The following CYP4F12 variants were observed in gnomAD, a reference collection of about 807,000 sequenced individuals.
CYP4F12 encodes the protein cytochrome P450 4F12.
A neutral mutation model predicts 56.5 loss-of-function variants in CYP4F12; 60 were observed. That is an observed-to-expected ratio of 1.06 (90% confidence interval 0.86 to 1.32). The LOEUF (loss-of-function observed/expected upper bound fraction) is 1.32, where lower values mean the gene tolerates loss of function less well. CYP4F12 is among the 40% of genes most tolerant of loss of function. CYP4F12 has a pLI of 0.00. For missense variants in CYP4F12, 711 were observed against 683.5 expected, an observed-to-expected ratio of 1.04 and a Z score of -0.45; for synonymous variants, 263 against 264.9, an observed-to-expected ratio of 0.99 and a Z score of 0.07.
chr19:15,691,707 G>GT (rs146963505), intron 9 of CYP4F12, among the ~76,000 whole-genome samples: 90 of 148,222 alleles, frequency 6.1e-4, no homozygotes, highest in Middle Eastern at 3.5e-3. Flanking sequence ...TTTTTTTTCT[G>GT]TTTTTTTGTT....
chr19:15,684,602 G>A (rs2007498032), intron 7 of CYP4F12: 1 of 484,134 alleles, frequency 2.1e-6, no homozygotes, highest in African/African-American at 2.0e-5. Flanking sequence ...GTCCAAAGAG[G>A]AGGCAAAGGA....
At chr19:15,682,277 G>A in intron 5 of CYP4F12, 112 bp from the exon 6 acceptor site, 2 of 1,458,272 alleles carry the variant, frequency 1.4e-6, no homozygotes, top group African/African-American at 1.4e-5. Flanking sequence ...TGGGTTCCTG[G>A]GGCAGAGGAC....
Position 15,685,202 on chromosome 19 carries a change from G to A in CYP4F12, c.1115+5G>A, listed in dbSNP as rs1490982520. ...CGATCCTAAAGAGATTGAATGGTGA[G>A]TGCAAGTTCTTCTGGCCTGTTCCTG... On this transcript the variant is annotated splice_donor_5th_base_variant and intron_variant, in intron 9 of 12. Transcript: ENST00000550308. 4 of 1,613,674 alleles carry A rather than the reference G, an allele frequency of 2.5e-6. No homozygotes were observed. Among genetic ancestry groups the A allele is most frequent in the Non-Finnish European group, 3.4e-6 (4 of 1,179,664 alleles).
At chr19:15,685,870 C>T (rs753752154) in intron 9 of CYP4F12, among the ~76,000 whole-genome samples, 8 of 152,156 alleles carry the variant, frequency 5.3e-5, no homozygotes, top group Non-Finnish European at 8.8e-5. Flanking sequence ...CCAGGGAGTC[C>T]TAAGGGAGAC....
intron 2 of CYP4F12, among the ~76,000 whole-genome samples, chr19:15,676,312 C>G (rs1280056134): frequency 6.8e-6 from 1 of 148,056 alleles, no homozygotes; most frequent in African/African-American, 2.5e-5. Flanking sequence ...CATTCCTGTG[C>G]CCATTCACTC....
intron 5 of CYP4F12, 168 bp from the exon 6 acceptor site, chr19:15,682,221 A>G (rs911785250): frequency 1.3e-5 from 11 of 832,764 alleles, no homozygotes; most frequent in Non-Finnish European, 2.0e-5. Flanking sequence ...TTCATCTCCT[A>G]TACTAACAGT....
At position 15,680,232 on chromosome 19, in the gene CYP4F12, C is replaced by T. The variant is rs774887096; in HGVS notation, c.344-12C>T. ...CCTCTACATGGCCCCTGATGGTCCT[C>T]GTTCATGTCAGCTGCCATTGCACCC... On this transcript the variant is annotated splice_polypyrimidine_tract_variant and intron_variant, in intron 3 of 12. Coordinates refer to ENST00000550308, the MANE Select transcript of CYP4F12 (RefSeq NM_023944.4). The T allele has an allele frequency of 3.9e-5, 62 of 1,590,424 alleles. 1 individual carries two copies. The Middle Eastern group carries it at 5.0e-4, about 13-fold the overall frequency.
intron 6 of CYP4F12, among the ~76,000 whole-genome samples, chr19:15,683,169 A>C (rs1337458729): frequency 6.6e-6 from 1 of 152,104 alleles, no homozygotes; most frequent in Non-Finnish European, 1.5e-5. Flanking sequence ...AAGAGGATGA[A>C]GTCTGAGTTG....
intron 2 of CYP4F12, among the ~76,000 whole-genome samples, chr19:15,674,098 C>T (rs372690154): frequency 5.5e-3 from 16 of 2,914 alleles, no homozygotes; most frequent in Admixed American, 0.015. Context: ...CACTCACTCA[C>T]TCCTTTCCTC....
At chr19:15,673,437 C>A in intron 1 of CYP4F12, 92 bp from the exon 2 acceptor site, 1 of 1,421,838 alleles carries the variant, frequency 7.0e-7, no homozygotes, top group Non-Finnish European at 9.6e-7. Flanking sequence ...CCTGCCCTGC[C>A]CCCAGCAGTT....
intron 2 of CYP4F12, among the ~76,000 whole-genome samples, chr19:15,674,321 CCTCACTCACTCATTCCTCTACCCA>C (rs2006792265): frequency 6.7e-5 from 3 of 44,834 alleles, no homozygotes; most frequent in Non-Finnish European, 1.4e-4. Context: ...TCATTCCTCT[CCTCACTCACTCATTCCTCTACCCA>C]CTCACTCATT....
chr19:15,691,950 ACTTTT>A (rs1258222514), intron 9 of CYP4F12, among the ~76,000 whole-genome samples: 1 of 151,424 alleles, frequency 6.6e-6, no homozygotes, highest in Non-Finnish European at 1.5e-5. Context: ...TCTTACTGTG[ACTTTT>A]CTTTTCTTTT....
At chr19:15,694,239 G>A (rs1388824419) in intron 9 of CYP4F12, among the ~76,000 whole-genome samples, 2 of 152,132 alleles carry the variant, frequency 1.3e-5, no homozygotes, top group African/African-American at 4.8e-5. Flanking sequence ...GTCATTGGTA[G>A]CTTGATGGGG....
chr19:15,679,412 C>A (rs1305842961), intron 3 of CYP4F12, among the ~76,000 whole-genome samples: 9 of 152,240 alleles, frequency 5.9e-5, no homozygotes, highest in Non-Finnish European at 2.9e-5. Flanking sequence ...TATCTGTCAA[C>A]CATGGGTCCT....
intron 2 of CYP4F12, among the ~76,000 whole-genome samples, chr19:15,677,069 G>GTCCTCACTCACTCATTCCTC (rs1555748140): frequency 0.08 from 685 of 8,598 alleles, 275 homozygotes; most frequent in Non-Finnish European, 0.12. Flanking sequence ...AGTCATTCCT[G>GTCCTCACTCACTCATTCCTC]TCCTCACTCA....
At chr19:15,681,269 A>G (rs2007284577) in intron 5 of CYP4F12, 2 of 152,504 alleles carry the variant, frequency 1.3e-5, no homozygotes, top group Admixed American at 1.3e-4. Context: ...TGTAAAATAG[A>G]ACGCATCTCT....
chr19:15,689,577 C>T (rs1400098803), intron 9 of CYP4F12, among the ~76,000 whole-genome samples: 1 of 152,162 alleles, frequency 6.6e-6, no homozygotes, highest in African/African-American at 2.4e-5. Flanking sequence ...GTAAATCTAC[C>T]ATTCCATCCA....
intron 6 of CYP4F12, 61 bp from the exon 7 acceptor site, chr19:15,683,432 G>A: frequency 2.0e-6 from 3 of 1,514,328 alleles, no homozygotes; most frequent in Non-Finnish European, 2.7e-6. Flanking sequence ...GCTGGTGGGA[G>A]GTGTTCCTGG....
intron 5 of CYP4F12, 150 bp downstream of exon 5, chr19:15,680,669 G>T: frequency 2.0e-6 from 2 of 1,004,216 alleles, no homozygotes; most frequent in Non-Finnish European, 3.1e-6. Context: ...AAATGGGGAT[G>T]ATAATCCCTA....
Sources: allele counts gnomAD v4.1 joint callset (sites outside exome capture counted in the v4.1 genomes callset), GRCh38; gene constraint gnomAD v4.1.1; transcripts MANE v1.5; gene names NCBI Gene and HGNC (gene_info 2026-07-23, HGNC 2026-07-21).